Variants in ZHX2 observed in about 807,000 individuals in gnomAD.
The protein encoded by ZHX2 is zinc fingers and homeoboxes protein 2.
Under a neutral mutation model 21.9 loss-of-function variants are expected in ZHX2, and 6 were observed. The ratio of observed to expected loss-of-function variants is 0.27; its 90% CI spans 0.15 to 0.54. The LOEUF is 0.54. ZHX2 is among the 20% of genes least tolerant of loss of function. ZHX2 has a pLI of 0.95. For missense variants in ZHX2, 908 were observed against 1,090.7 expected (o/e 0.83, Z 2.36); for synonymous variants, 434 against 437.1 (o/e 0.99, Z 0.09).
At chr8:122,785,631 T>C (rs555043376) in intron 1 of ZHX2, among the ~76,000 whole-genome samples, 1 of 152,312 alleles carries the variant, frequency 6.6e-6, no homozygotes, top group Non-Finnish European at 1.5e-5. Flanking sequence ...GTCAAGTATT[T>C]TTAGTTGGAC....
chr8:122,801,585 CAA>C (rs34318877), intron 1 of ZHX2, among the ~76,000 whole-genome samples: 3,894 of 124,764 alleles, frequency 0.031, 60 homozygotes, highest in South Asian at 0.077. Flanking sequence ...GCCATCTCTA[CAA>C]AAAAAAAAAA....
chr8:122,952,832 C>T lies in ZHX2; in HGVS notation c.1322C>T (p.Ala441Val). ...PKVANPPLTP[A>V]SDRKKTKEQI... ...GTGGCCAACCCCCCGCTCACACCAG[C>T]CAGTGACCGCAAGAAGACAAAGGAG... Residue 441 changes from alanine to valine, a missense_variant, in exon 3 of 4, where the codon GCC becomes GTC. This residue lies in a region of ZHX2 where 232 missense variants were observed against 361.8 expected (regional missense o/e 0.64). Transcript: ENST00000314393. This position sits in a 1 kb window ranked among gnomAD's most constrained non-coding sequence, Gnocchi z 6.9. The T allele has an allele frequency of 6.2e-7, 1 of 1,614,142 alleles. No individual in the cohort carries two copies. Among genetic ancestry groups the T allele is most frequent in the Non-Finnish European group, 8.5e-7 (1 of 1,180,036 alleles).
intron 2 of ZHX2, among the ~76,000 whole-genome samples, chr8:122,931,927 C>T (rs776995855): frequency 3.9e-5 from 6 of 152,098 alleles, no homozygotes; most frequent in Non-Finnish European, 8.8e-5. Context: ...AAAATGAGAG[C>T]GCTAGATGAA....
intron 1 of ZHX2, among the ~76,000 whole-genome samples, chr8:122,839,420 C>G (rs2130704710): frequency 6.6e-6 from 1 of 152,314 alleles, no homozygotes; most frequent in African/African-American, 2.4e-5. Context: ...TGTGAAGTGG[C>G]AGAGGCCTGC....
At chr8:122,829,584 A>G (rs115141191) in intron 1 of ZHX2, among the ~76,000 whole-genome samples, 3,437 of 152,350 alleles carry the variant, frequency 0.023, 117 homozygotes, top group African/African-American at 0.079. Flanking sequence ...GGGGAAAAAC[A>G]TATTTCTATT....
chr8:122,789,972 C>T (rs938091241), intron 1 of ZHX2, among the ~76,000 whole-genome samples: 3 of 152,162 alleles, frequency 2.0e-5, no homozygotes, highest in Admixed American at 6.5e-5. Context: ...AGCCACAGAA[C>T]GGAAACGGTC....
At chr8:122,837,054 C>T (rs2130697661) in intron 1 of ZHX2, among the ~76,000 whole-genome samples, 1 of 152,220 alleles carries the variant, frequency 6.6e-6, no homozygotes, top group South Asian at 2.1e-4. Flanking sequence ...TGCTACACTC[C>T]CACCAGCATC....
rs10111417 is a variant in ZHX2, at chr8:122,839,957, T to G, written c.-282-23520T>G. Reference sequence around the variant, plus strand: ...GTCACTGCCTGAAGGTTGAGAAATATATATTCTGGCACTTCACTGCCTGAA... The same window carrying G: ...GTCACTGCCTGAAGGTTGAGAAATAGATATTCTGGCACTTCACTGCCTGAA... On this transcript the variant is annotated intron_variant, in intron 1 of 3. Coordinates refer to ENST00000314393, the MANE Select transcript of ZHX2 (RefSeq NM_014943.5). Among the ~76,000 whole-genome samples the G allele has an allele frequency of 3.8e-3, 571 of 152,220 alleles. 5 individuals are homozygous for G. Among genetic ancestry groups the G allele is most frequent in the African/African-American group, 0.012 (485 of 41,530 alleles).
At chr8:122,800,908 G>A (rs1002625597) in intron 1 of ZHX2, among the ~76,000 whole-genome samples, 9 of 152,208 alleles carry the variant, frequency 5.9e-5, no homozygotes, top group Admixed American at 2.6e-4. Context: ...AGACAGGTGC[G>A]CGTGCACAAA....
At chr8:122,824,316 A>C (rs1818216206) in intron 1 of ZHX2, among the ~76,000 whole-genome samples, 1 of 152,224 alleles carries the variant, frequency 6.6e-6, no homozygotes, top group African/African-American at 2.4e-5. Flanking sequence ...GACAGAGGAC[A>C]GAGCCTGTCC....
intron 2 of ZHX2, among the ~76,000 whole-genome samples, chr8:122,927,964 C>T (rs767162547): frequency 1.3e-4 from 20 of 152,140 alleles, no homozygotes; most frequent in Admixed American, 6.5e-5. Flanking sequence ...CACCACTCTC[C>T]ATTGCCCTCA....
chr8:122,814,175 C>T (rs1817983942), intron 1 of ZHX2, among the ~76,000 whole-genome samples: 1 of 152,212 alleles, frequency 6.6e-6, no homozygotes, highest in Non-Finnish European at 1.5e-5. Flanking sequence ...AGCCCACATG[C>T]ATAAAGAGCC....
At chr8:122,788,324 G>A (rs548421692) in intron 1 of ZHX2, among the ~76,000 whole-genome samples, 2 of 152,290 alleles carry the variant, frequency 1.3e-5, no homozygotes, top group South Asian at 2.1e-4. Flanking sequence ...TTGGGAGGCC[G>A]AGGCAGGTGG....
At chr8:122,921,436 T>C (rs1464640720) in intron 2 of ZHX2, among the ~76,000 whole-genome samples, 1 of 152,190 alleles carries the variant, frequency 6.6e-6, no homozygotes, top group East Asian at 1.9e-4. Flanking sequence ...GCACTCCGGC[T>C]GTTTTCTCTT....
At chr8:122,884,452 G>A (rs79175219) in intron 2 of ZHX2, among the ~76,000 whole-genome samples, 11 of 152,358 alleles carry the variant, frequency 7.2e-5, no homozygotes, top group Admixed American at 4.6e-4. Flanking sequence ...TGTCTCAGAA[G>A]AAAGTTCATT....
chr8:122,828,365 TCTCA>T lies in ZHX2; in HGVS notation c.-282-35106_-282-35103del, dbSNP rs377249223. On this transcript the variant is annotated intron_variant, in intron 1 of 3. Coordinates refer to ENST00000314393, the MANE Select transcript of ZHX2 (RefSeq NM_014943.5). This position sits in a 1 kb window ranked among gnomAD's most constrained non-coding sequence, Gnocchi z 5.2. ...GTGTTAGTGATATGGAGGAAGAGGA[TCTCA>T]CTCACACACCAGGAGACTGGAGGGA... Among the ~76,000 whole-genome samples the T allele has an allele frequency of 1.3e-3, 194 of 152,270 alleles. 2 individuals are homozygous for T. Among genetic ancestry groups the T allele is most frequent in the South Asian group, 4.8e-3 (23 of 4,830 alleles).
intron 1 of ZHX2, among the ~76,000 whole-genome samples, chr8:122,859,371 A>G (rs912103915): frequency 3.3e-5 from 5 of 152,176 alleles, no homozygotes; most frequent in African/African-American, 9.7e-5. Context: ...GAGGATAATA[A>G]TGGGTATTGT....
At chr8:122,869,519 C>T (rs1024165420) in intron 2 of ZHX2, among the ~76,000 whole-genome samples, 8 of 152,072 alleles carry the variant, frequency 5.3e-5, no homozygotes, top group Non-Finnish European at 7.4e-5. Context: ...TGGGGGACAC[C>T]GTGGGGCTGG....
At chr8:122,786,761 C>T (rs766877838) in intron 1 of ZHX2, among the ~76,000 whole-genome samples, 8 of 151,694 alleles carry the variant, frequency 5.3e-5, no homozygotes, top group Non-Finnish European at 7.4e-5. Context: ...GTGGCAAGTC[C>T]GTACCACACA....
Sources: gnomAD v4.1 joint callset for allele counts (sites outside exome capture counted in the v4.1 genomes callset) on GRCh38, gnomAD v4.1.1 for gene constraint, gnomAD v4.1.1 regional missense constraint, Gnocchi (gnomAD v3.1) non-coding constraint, MANE v1.5 for transcripts, NCBI Gene and HGNC (gene_info 2026-07-23, HGNC 2026-07-21) for gene names.